HCFC1R1: variants seen among roughly 807,000 people sequenced by gnomAD.
HCFC1R1 encodes the protein HCF-1 beta-propeller-interacting protein.
HCFC1R1 carries 17 observed loss-of-function variants against 13.3 expected under a neutral mutation model. The observed-to-expected ratio is 1.28, with a 90% CI of 0.87 to 1.91. The LOEUF is 1.91. HCFC1R1 is among the 40% of genes most tolerant of loss of function. The probability of loss-of-function intolerance (pLI) is 0.00; values close to 1 mark genes in which losing one functional copy is unlikely to be tolerated. For missense variants in HCFC1R1, 218 were observed against 177.9 expected (o/e 1.23, Z -1.28); for synonymous variants, 87 against 71.1 (o/e 1.22, Z -1.12).
chr16:3,023,228 C>A lies in HCFC1R1; in HGVS notation c.281+5G>T. 1 of 1,547,542 alleles carries A rather than the reference C, an allele frequency of 6.5e-7. No homozygotes were observed. The highest frequency in any genetic ancestry group is 1.8e-4 in the Middle Eastern group (1 of 5,634). ...GCAGAAGGCCTGGCCAGTGGAGGAA[C>A]CTACCTGAGTGGGGGCAGGGCTGGG... is the stretch of plus-strand genomic sequence containing the variant. On this transcript the variant is annotated splice_donor_5th_base_variant and intron_variant, in intron 3 of 3. Coordinates refer to ENST00000248089, the MANE Select transcript of HCFC1R1 (RefSeq NM_017885.4).
At chr16:3,023,709 A>T in intron 1 of HCFC1R1, 138 bp downstream of exon 1, 1 of 1,024,834 alleles carries the variant, frequency 9.8e-7, no homozygotes, top group East Asian at 2.6e-5. Context: ...CCTCAGCCGC[A>T]GCCCCAGTCC....
At chr16:3,024,057 G>T, upstream of HCFC1R1, 2 of 904,114 alleles carry the variant, frequency 2.2e-6, no homozygotes, top group Middle Eastern at 2.7e-4. Flanking sequence ...TTCTGCGCGG[G>T]CGCGGAAGAC....
rs2072639346 is a variant in HCFC1R1, at chr16:3,022,804, C to G, written c.*59G>C. ...AGGAACCTTGTCCCTTTGCGGGAGT[C>G]GCTGGTCTCTTCTGTTGTGGGGAAG... On this transcript the variant is annotated 3_prime_UTR_variant, in exon 4 of 4. Transcript: ENST00000248089. The G allele has an allele frequency of 1.4e-6, 2 of 1,402,938 alleles. No homozygotes were observed. The highest frequency in any genetic ancestry group is 3.3e-5 in the South Asian group (2 of 60,114). The allele number at this position is 1,402,938 out of a possible 1,614,324, so 86.9% of individuals were successfully genotyped here.
intron 1 of HCFC1R1, 33 bp from the exon 2 acceptor site, chr16:3,023,563 C>T (rs754336549): frequency 1.2e-5 from 19 of 1,529,084 alleles, no homozygotes; most frequent in Middle Eastern, 2.4e-4. Context: ...TGCACCCCAC[C>T]CTCTTGGCCC....
At chr16:3,024,011 G>A (rs1020934116), upstream of HCFC1R1, 2 of 1,209,970 alleles carry the variant, frequency 1.7e-6, no homozygotes, top group African/African-American at 1.5e-5. Context: ...GGCCAAGAGA[G>A]GATGGGCGTG....
chr16:3,023,343 C>A lies in HCFC1R1; in HGVS notation c.171G>T (p.Gln57His), dbSNP rs745477119. The change falls in exon 3 of 4, where the codon CAG becomes CAT. Residue 57 changes from glutamine (Q) to histidine (H), a missense_variant. Coordinates refer to ENST00000248089, the MANE Select transcript of HCFC1R1 (RefSeq NM_017885.4). ...TGGCCATGTTCTCCTCAGACAGAAACTGCTTGCGCAGAGGCTCCCTGGGGA... is the reference window on the plus strand; with the variant it reads ...TGGCCATGTTCTCCTCAGACAGAAAATGCTTGCGCAGAGGCTCCCTGGGGA... ...LEEEQEPLRKQFLSEENMATH... is the reference protein window; with the variant it reads ...LEEEQEPLRKHFLSEENMATH... 1 of 1,607,046 alleles carries A rather than the reference C, an allele frequency of 6.2e-7. No individual in the cohort carries two copies.
chr16:3,023,595 T>A (rs2072683511), intron 1 of HCFC1R1, 65 bp from the exon 2 acceptor site: 2 of 1,484,694 alleles, frequency 1.3e-6, no homozygotes, highest in Admixed American at 4.6e-5. Flanking sequence ...TCTGCCCGCC[T>A]AAGCCTGCAG....
chr16:3,023,745 C>A, intron 1 of HCFC1R1, 102 bp downstream of exon 1: 1 of 1,097,140 alleles, frequency 9.1e-7, no homozygotes, highest in Non-Finnish European at 1.3e-6. Context: ...CTAAGCCCCG[C>A]CGATTCGCCC....
At chr16:3,023,949 T>C, upstream of HCFC1R1, 3 of 1,545,704 alleles carry the variant, frequency 1.9e-6, no homozygotes, top group Non-Finnish European at 2.6e-6. Flanking sequence ...CATTGGGTTT[T>C]GGGGTCCTGC....
chr16:3,023,177 C>A, intron 3 of HCFC1R1, 56 bp downstream of exon 3: 2 of 1,519,436 alleles, frequency 1.3e-6, no homozygotes, highest in South Asian at 2.5e-5. Flanking sequence ...GGCCTGAGGT[C>A]AGCTGTGAGG....
At chr16:3,023,774 C>T in intron 1 of HCFC1R1, 73 bp downstream of exon 1, 1 of 1,241,922 alleles carries the variant, frequency 8.1e-7, no homozygotes, top group Non-Finnish European at 1.1e-6. Context: ...ATTCATCCTG[C>T]AGACCAGTCC....
In HCFC1R1 at chr16:3,022,923, C is replaced by T; in HGVS notation, c.357G>A (p.Leu119=). 6.4e-7 allele frequency: 1 copy of T among 1,570,268 alleles called. No homozygotes were observed. The highest frequency in any genetic ancestry group is 8.6e-7 in the Non-Finnish European group (1 of 1,167,156). The part of the protein sequence containing the change: ...LIPEALRLLR[L]GDTPSPPYPA... The stretch of plus-strand genomic sequence containing the variant: ...GGTAGGGGGGACTGGGGGTGTCCCC[C>T]AGCCTCAGCAGACGGAGGGCCTCAG... The change falls in exon 4 of 4, where the codon CTG becomes CTA. Residue 119 remains leucine (L), a synonymous_variant. Coordinates refer to ENST00000248089, the MANE Select transcript of HCFC1R1 (RefSeq NM_017885.4).
chr16:3,023,115 A>G, intron 3 of HCFC1R1, 117 bp from the exon 4 acceptor site: 1 of 1,512,948 alleles, frequency 6.6e-7, no homozygotes, highest in African/African-American at 1.4e-5. Context: ...AAGAGCCAAG[A>G]TGGGAAACAA....
chr16:3,023,729 T>C, intron 1 of HCFC1R1, 118 bp downstream of exon 1: 1 of 1,051,788 alleles, frequency 9.5e-7, no homozygotes, highest in Non-Finnish European at 1.4e-6. Context: ...CCATCTCAGC[T>C]CACGCCTAAG....
chr16:3,022,700 A>C lies in HCFC1R1; in HGVS notation c.*163T>G. 4 of 510,132 alleles carry C rather than the reference A, an allele frequency of 7.8e-6. No homozygotes were observed. The highest frequency in any genetic ancestry group is 7.5e-5 in the East Asian group (2 of 26,492). 31.6% of individuals were successfully genotyped at this position (510,132 alleles called of 1,614,324 possible). On this transcript the variant is annotated 3_prime_UTR_variant, in exon 4 of 4. Coordinates refer to ENST00000248089, the MANE Select transcript of HCFC1R1 (RefSeq NM_017885.4). ...CCCTTCCCATGCTCCCACCCCTCCC[A>C]TCCCAGAACTCCGTTGGGCTCAGTG...
Position 3,023,899 on chromosome 16 carries a change from C to A in HCFC1R1, c.43G>T (p.Ala15Ser), listed in dbSNP as rs1483463675. 3 of 1,557,696 alleles carry A rather than the reference C, an allele frequency of 1.9e-6. No homozygotes were observed. Among genetic ancestry groups the A allele is most frequent in the Non-Finnish European group, 2.6e-6 (3 of 1,155,328 alleles). Residue 15 changes from alanine to serine, a missense_variant, in exon 1 of 4, where the codon GCC (alanine) becomes TCC (serine). Physicochemically the swap from Ala to Ser is moderately conservative, Grantham distance 99. Coordinates refer to ENST00000248089, the MANE Select transcript of HCFC1R1 (RefSeq NM_017885.4). ...AAGGCGGCCCGCGGGAGGCGCTGGG[C>A]CCCTCCCTGGGGGCCTCGCTGCAAG... ...QPLQRGPQGGAQRLPRAALGV... is the reference protein window; with the variant it reads ...QPLQRGPQGGSQRLPRAALGV...
upstream of HCFC1R1, chr16:3,024,012 G>A (rs1393220773): frequency 2.5e-6 from 3 of 1,212,004 alleles, no homozygotes; most frequent in Non-Finnish European, 3.4e-6. Context: ...GCCAAGAGAG[G>A]ATGGGCGTGG....
Position 3,023,530 on chromosome 16 carries a change from G to A in HCFC1R1, c.96C>T (p.Ser32=), listed in dbSNP as rs540252782. ...TGGGCACAGCTCCTCGGAGAGGGGA[G>A]CTGGGAAAAAAAGAGAGCCTGGTGC... ...ALGVTWGLDA[S]SPLRGAVPMS... is the part of the protein sequence containing the mutation. The change falls in exon 2 of 4, where the codon AGC becomes AGT. Residue 32 remains serine, a splice_region_variant and synonymous_variant. Transcript: ENST00000248089. 3 of 1,580,826 alleles carry A rather than the reference G, an allele frequency of 1.9e-6. No homozygotes were observed. The highest frequency in any genetic ancestry group is 1.4e-5 in the African/African-American group (1 of 73,356).
At chr16:3,023,781 G>T in intron 1 of HCFC1R1, 66 bp downstream of exon 1, 1 of 1,295,878 alleles carries the variant, frequency 7.7e-7, no homozygotes. Flanking sequence ...CTGCAGACCA[G>T]TCCTGAGCAC....
Sources: allele counts gnomAD v4.1 joint callset, GRCh38; gene constraint gnomAD v4.1.1; transcripts MANE v1.5; gene names NCBI Gene and HGNC (gene_info 2026-07-23, HGNC 2026-07-21).